The following HSD17B4 variants were observed in gnomAD, a reference collection of about 807,000 sequenced individuals.
HSD17B4 encodes hydroxysteroid 17-beta dehydrogenase 4.
A neutral mutation model predicts 101.0 loss-of-function variants in HSD17B4; 70 were observed. The ratio of observed to expected loss-of-function variants is 0.69; its 90% confidence interval spans 0.57 to 0.85. HSD17B4 has a LOEUF of 0.85. Among genes scored for constraint, HSD17B4 ranks in the 40% least tolerant of loss-of-function variants. The pLI is 0.00. For synonymous variants in HSD17B4, 347 were observed against 297.1 expected, an observed-to-expected ratio of 1.17 and a Z score of -1.73; for missense variants, 984 against 892.4, an observed-to-expected ratio of 1.10 and a Z score of -1.31.
intron 1 of HSD17B4, 151 bp from the exon 2 acceptor site, chr5:119,456,163 AG>A (rs1754626692): frequency 1.3e-5 from 9 of 702,292 alleles, no homozygotes; most frequent in South Asian, 1.2e-4. Flanking sequence ...GAGAGTGGAT[AG>A]GTTGAGAATG....
In HSD17B4 at chr5:119,478,987, G is replaced by A. The variant is rs748937758; in HGVS notation, c.588G>A (p.Ala196=). 83 of 1,613,438 alleles carry A rather than the reference G, an allele frequency of 5.1e-5. 1 individual carries two copies. Among genetic ancestry groups the A allele is most frequent in the South Asian group, 7.7e-5 (7 of 91,072 alleles). ...ATTGTAACACCATTGCTCCTAATGC[G>A]GGATCACGGATGACTCAGACAGTTA... ...NIHCNTIAPN[A]GSRMTQTVMP... is the part of the protein sequence containing the mutation. Residue 196 remains alanine, a synonymous_variant, in exon 8 of 24, where the codon GCG becomes GCA. Coordinates refer to ENST00000510025, the MANE Select transcript of HSD17B4 (RefSeq NM_000414.4).
intron 22 of HSD17B4, among the ~76,000 whole-genome samples, chr5:119,532,096 C>T (rs1162724891): frequency 1.3e-5 from 2 of 152,116 alleles, no homozygotes; most frequent in African/African-American, 2.4e-5. Flanking sequence ...TTTGCATCTG[C>T]TGTGTAACTC....
intron 13 of HSD17B4, among the ~76,000 whole-genome samples, chr5:119,501,158 C>A (rs1751124891): frequency 6.6e-6 from 1 of 152,016 alleles, no homozygotes; most frequent in Non-Finnish European, 1.5e-5. Flanking sequence ...ACAAATGTTT[C>A]AAAATTCCCC....
At chr5:119,513,450 C>G (rs1251716579) in intron 16 of HSD17B4, among the ~76,000 whole-genome samples, 1 of 152,138 alleles carries the variant, frequency 6.6e-6, no homozygotes, top group African/African-American at 2.4e-5. Flanking sequence ...GTGGTGCAAT[C>G]TCAGCTCACT....
In HSD17B4 at chr5:119,455,049, T is replaced by G. The variant is rs537597231; in HGVS notation, c.59-1266T>G. ...TTCATTTGTCAATGAAATTTATCAA[T>G]TAACTTAAAATGTAAAAAATATACA... On this transcript the variant is annotated intron_variant, in intron 1 of 23. Transcript: ENST00000510025. Among the ~76,000 whole-genome samples the G allele has an allele frequency of 2.0e-5, 3 of 152,338 alleles. No homozygotes were observed. The East Asian group carries it at 5.8e-4, about 29-fold the overall frequency.
chr5:119,495,998 C>T (rs1223594491), intron 11 of HSD17B4, among the ~76,000 whole-genome samples: 1 of 152,082 alleles, frequency 6.6e-6, no homozygotes, highest in Non-Finnish European at 1.5e-5. Context: ...ACCTTTTAGA[C>T]CTGCAGAAAA....
chr5:119,456,554 T>C (rs1288936687), intron 2 of HSD17B4, 186 bp downstream of exon 2: 8 of 593,924 alleles, frequency 1.3e-5, no homozygotes, highest in Non-Finnish European at 2.4e-5. Context: ...AGGGAACCAG[T>C]TTCACAGAAT....
chr5:119,516,540 C>A (rs891592101), intron 17 of HSD17B4, among the ~76,000 whole-genome samples: 3 of 151,798 alleles, frequency 2.0e-5, no homozygotes, highest in Non-Finnish European at 2.9e-5. Flanking sequence ...TTTAAATCAA[C>A]AATATTTTTG....
chr5:119,475,958 C>A, intron 6 of HSD17B4, 88 bp downstream of exon 6: 1 of 950,150 alleles, frequency 1.1e-6, no homozygotes. Context: ...TAAGGAAAAA[C>A]CTGCTTCTAT....
intron 8 of HSD17B4, among the ~76,000 whole-genome samples, chr5:119,482,956 T>G (rs1338770120): frequency 1.3e-5 from 2 of 151,818 alleles, no homozygotes; most frequent in Admixed American, 1.3e-4. Flanking sequence ...GCTAGAGAAG[T>G]TCCAACTGTC....
intron 21 of HSD17B4, 67 bp downstream of exon 21, chr5:119,530,047 G>A (rs1298772009): frequency 4.7e-5 from 42 of 903,214 alleles, no homozygotes; most frequent in Non-Finnish European, 5.6e-5. Context: ...GTGACTTTAA[G>A]AGTGGTTAGG....
chr5:119,538,289 C>T (rs1039073605), intron 23 of HSD17B4, among the ~76,000 whole-genome samples: 2 of 152,064 alleles, frequency 1.3e-5, no homozygotes, highest in African/African-American at 2.4e-5. Flanking sequence ...TCTGATCTTT[C>T]TCCAAAATAT....
chr5:119,469,212 G>T (rs190737956), intron 2 of HSD17B4, among the ~76,000 whole-genome samples: 1 of 150,280 alleles, frequency 6.7e-6, no homozygotes, highest in Admixed American at 6.6e-5. Flanking sequence ...TTCCCTTTCA[G>T]GAATTTCGTA....
At position 119,525,970 on chromosome 5, in the gene HSD17B4, C is replaced by T. The variant is rs775326908; in HGVS notation, c.1627C>T (p.Arg543Cys). ...GLCTFGFSAR[R>C]VLQQFADNDV... is the part of the protein sequence containing the mutation. ...ATGTACATTTGGATTTTCTGCCAGG[C>T]GTGTGTTACAGCAGTTTGCAGATAA... The change falls in exon 19 of 24, where the codon CGT (arginine) becomes TGT (cysteine). Residue 543 changes from arginine (R) to cysteine (C), a missense_variant. By Grantham distance (180) the Arg-to-Cys change is radical. Transcript: ENST00000510025. The T allele has an allele frequency of 7.4e-6, 12 of 1,611,640 alleles. No homozygotes were observed. The highest frequency in any genetic ancestry group is 2.2e-5 in the South Asian group (2 of 91,034).
intron 6 of HSD17B4, among the ~76,000 whole-genome samples, chr5:119,477,155 C>T (rs541753244): frequency 3.9e-4 from 59 of 151,924 alleles, no homozygotes; most frequent in Non-Finnish European, 6.9e-4. Flanking sequence ...AAAATAAGGG[C>T]GTAGCATTAT....
rs550210608 is a variant in HSD17B4 at position 119,491,007 on chromosome 5, A to G, written c.715-1093A>G. 2.0e-5 allele frequency among the ~76,000 whole-genome samples: 3 copies of G among 152,334 alleles called. No individual in the cohort carries two copies. The South Asian group carries it at 6.2e-4, about 32-fold the overall frequency. On this transcript the variant is annotated intron_variant, in intron 9 of 23. Transcript: ENST00000510025. ...ATTTAGCATGCATGATTGATAAACT[A>G]TACTAAGAGCTGTGCATAATATCCT...
chr5:119,487,168 G>A (rs1220024320), intron 8 of HSD17B4: 2 of 151,432 alleles, frequency 1.3e-5, no homozygotes, highest in East Asian at 3.9e-4. Context: ...CTAGGTATCA[G>A]TATTGTTATT....
intron 17 of HSD17B4, among the ~76,000 whole-genome samples, chr5:119,517,355 G>A (rs912217315): frequency 1.3e-5 from 2 of 152,204 alleles, no homozygotes; most frequent in African/African-American, 2.4e-5. Context: ...GGCAGGGCTC[G>A]GGACCTGCAG....
chr5:119,464,102 A>G (rs534321741), intron 2 of HSD17B4, among the ~76,000 whole-genome samples: 1 of 151,974 alleles, frequency 6.6e-6, no homozygotes, highest in African/African-American at 2.4e-5. Flanking sequence ...CTCTTGTTGG[A>G]TGAATAGTTT....
Sources: gnomAD v4.1 joint callset for allele counts (sites outside exome capture counted in the v4.1 genomes callset) on GRCh38, gnomAD v4.1.1 for gene constraint, MANE v1.5 for transcripts, NCBI Gene and HGNC (gene_info 2026-07-23, HGNC 2026-07-21) for gene names.